The following ADAM12 variants were observed in gnomAD, a reference collection of about 807,000 sequenced individuals.
ADAM12 encodes the protein ADAM metallopeptidase domain 12, also known as disintegrin and metalloproteinase domain-containing protein 12.
A neutral mutation model predicts 106.4 loss-of-function variants in ADAM12; 70 were observed. That is an observed-to-expected ratio of 0.66 (90% CI 0.54 to 0.80). ADAM12 has a LOEUF of 0.80. Among genes scored for constraint, ADAM12 ranks in the 30% least tolerant of loss-of-function variants. The pLI is 0.00. For synonymous variants in ADAM12, 420 were observed against 433.5 expected (o/e 0.97, Z 0.39); for missense variants, 1,010 against 1,171.9 (o/e 0.86, Z 2.02).
In ADAM12 at chr10:126,066,555, C is replaced by T. The variant is rs964815459; in HGVS notation, c.1413+162G>A. Among the ~76,000 whole-genome samples the T allele has an allele frequency of 1.3e-5, 2 of 152,178 alleles. No homozygotes were observed. The highest frequency in any genetic ancestry group is 4.8e-5 in the African/African-American group (2 of 41,434). ...TTTCACCCCAAGATTGGAAGCTAAA[C>T]AGTAAGAGGTGGGTAACACCAACTG... On this transcript the variant is annotated intron_variant, in intron 13 of 22. Transcript: ENST00000448723. The surrounding 1 kb of genome is among the most constrained non-coding windows in gnomAD (Gnocchi z 5.1).
chr10:126,314,184 T>G (rs1043242203), intron 2 of ADAM12, among the ~76,000 whole-genome samples: 9 of 152,156 alleles, frequency 5.9e-5, no homozygotes, highest in African/African-American at 2.2e-4. Flanking sequence ...GTCTGAGGAC[T>G]GCTGGAGGAG....
chr10:126,118,735 A>G (rs1439628751), intron 5 of ADAM12, among the ~76,000 whole-genome samples: 3 of 152,210 alleles, frequency 2.0e-5, no homozygotes, highest in African/African-American at 7.2e-5. Flanking sequence ...TGTACCCCAC[A>G]GGTATTCTTT....
At chr10:126,228,356 A>C (rs1958241888) in intron 3 of ADAM12, among the ~76,000 whole-genome samples, 1 of 152,174 alleles carries the variant, frequency 6.6e-6, no homozygotes, top group Admixed American at 6.5e-5. Context: ...ATTCCAAGAG[A>C]TCGTTTCATA....
At position 126,046,154 on chromosome 10, in the gene ADAM12, G is replaced by A. The variant is rs376329951; in HGVS notation, c.1918-22C>T. 144 of 1,602,172 alleles carry A rather than the reference G, an allele frequency of 9.0e-5. 1 individual carries two copies. The highest frequency in any genetic ancestry group is 1.2e-4 in the Non-Finnish European group (136 of 1,169,284). ...AGATCTGTAGGAGGAGGAAAACACA[G>A]CAAATCTCTTAGTATTTCTCCAACC... is the stretch of plus-strand genomic sequence containing the variant. On this transcript the variant is annotated intron_variant, in intron 16 of 22. Coordinates refer to ENST00000448723, the MANE Select transcript of ADAM12 (RefSeq NM_001288973.2).
chr10:126,278,376 G>A (rs1035948341), intron 3 of ADAM12, among the ~76,000 whole-genome samples: 10 of 152,108 alleles, frequency 6.6e-5, no homozygotes, highest in Admixed American at 5.9e-4. Flanking sequence ...TAGTATCCAA[G>A]CGGCCCAGAA....
At chr10:126,075,458 C>T (rs767868332) in intron 11 of ADAM12, among the ~76,000 whole-genome samples, 1 of 152,160 alleles carries the variant, frequency 6.6e-6, no homozygotes, top group Non-Finnish European at 1.5e-5. Context: ...ACAAAAAAAT[C>T]TCAGCCCTCA....
chr10:126,084,577 C>T (rs1240656707), intron 11 of ADAM12, among the ~76,000 whole-genome samples: 8 of 152,146 alleles, frequency 5.3e-5, no homozygotes, highest in African/African-American at 1.4e-4. Flanking sequence ...ACTTAGCAAG[C>T]CTGTAACAGG....
intron 20 of ADAM12, among the ~76,000 whole-genome samples, chr10:126,037,363 C>T (rs1352767631): frequency 3.3e-5 from 5 of 150,688 alleles, no homozygotes; most frequent in East Asian, 1.9e-4. Context: ...CACACAAAGC[C>T]GTTCTCGCTT....
At chr10:126,210,071 C>T (rs903802263) in intron 3 of ADAM12, among the ~76,000 whole-genome samples, 1 of 152,222 alleles carries the variant, frequency 6.6e-6, no homozygotes, top group African/African-American at 2.4e-5. Context: ...AGATGCAACA[C>T]TCAACTCGAT....
At chr10:126,251,063 C>T (rs1958735807) in intron 3 of ADAM12, among the ~76,000 whole-genome samples, 1 of 152,312 alleles carries the variant, frequency 6.6e-6, no homozygotes, top group South Asian at 2.1e-4. Flanking sequence ...GAAACTCTGC[C>T]TCTCTCACTG....
rs560365000 is a variant in ADAM12 at position 126,227,634 on chromosome 10, G to C, written c.260+51281C>G. Among the ~76,000 whole-genome samples the C allele has an allele frequency of 2.6e-5, 4 of 152,228 alleles. No individual in the cohort carries two copies. The South Asian group carries it at 8.3e-4, about 32-fold the overall frequency. ...CCCAGTGCTTTGCAGGCATGCTCAC[G>C]TTTGAGAAGCCCTGGCCCAGATAAG... On this transcript the variant is annotated intron_variant, in intron 3 of 22. Coordinates refer to ENST00000448723, the MANE Select transcript of ADAM12 (RefSeq NM_001288973.2).
chr10:126,129,415 C>A (rs562920406), intron 5 of ADAM12, among the ~76,000 whole-genome samples: 8 of 152,208 alleles, frequency 5.3e-5, no homozygotes, highest in Non-Finnish European at 2.9e-5. Flanking sequence ...CAGGGCTGGA[C>A]GTCTATCCCA....
chr10:126,205,808 T>C (rs1957784481), intron 3 of ADAM12, among the ~76,000 whole-genome samples: 3 of 152,278 alleles, frequency 2.0e-5, no homozygotes, highest in African/African-American at 7.2e-5. Context: ...GAAAGACTGA[T>C]CGGTATATCC....
At chr10:126,115,391 G>C (rs1355668256) in intron 6 of ADAM12, among the ~76,000 whole-genome samples, 1 of 152,084 alleles carries the variant, frequency 6.6e-6, no homozygotes, top group Non-Finnish European at 1.5e-5. Context: ...TGCTGTGGGG[G>C]AGCTGAACAG....
intron 4 of ADAM12, among the ~76,000 whole-genome samples, chr10:126,138,217 C>T (rs577817243): frequency 2.6e-5 from 4 of 152,302 alleles, no homozygotes; most frequent in African/African-American, 9.6e-5. Context: ...AATGTCTACT[C>T]AAATCCTTGC....
At chr10:126,228,222 C>G (rs1015558599) in intron 3 of ADAM12, among the ~76,000 whole-genome samples, 1 of 152,120 alleles carries the variant, frequency 6.6e-6, no homozygotes, top group African/African-American at 2.4e-5. Context: ...CGTAACTGTA[C>G]CCCCCAATAT....
At chr10:126,191,556 G>GAT (rs1957501117) in intron 3 of ADAM12, among the ~76,000 whole-genome samples, 1 of 151,936 alleles carries the variant, frequency 6.6e-6, no homozygotes, top group African/African-American at 2.4e-5. Context: ...GGTGGGTAAG[G>GAT]AAAGAGAGGA....
At position 126,203,492 on chromosome 10, in the gene ADAM12, T is replaced by C. The variant is rs143558230; in HGVS notation, c.261-48187A>G. ...AATTATGTTTTACACATTTCAGACG[T>C]TCTTTTTGAATAAATATAGAAGCAT... On this transcript the variant is annotated intron_variant, in intron 3 of 22. Coordinates refer to ENST00000448723, the MANE Select transcript of ADAM12 (RefSeq NM_001288973.2). 4.8e-3 allele frequency among the ~76,000 whole-genome samples: 726 copies of C among 152,296 alleles called. 8 individuals are homozygous for C. Among genetic ancestry groups the C allele is most frequent in the Admixed American group, 0.024 (372 of 15,292 alleles).
chr10:126,080,412 C>T (rs75348982), intron 11 of ADAM12, among the ~76,000 whole-genome samples: 18,580 of 152,168 alleles, frequency 0.12, 1,460 homozygotes, highest in African/African-American at 0.21. Flanking sequence ...TGACCTATAG[C>T]AGTGAGAGAC....
Sources: gnomAD v4.1 joint callset for allele counts (sites outside exome capture counted in the v4.1 genomes callset) on GRCh38, gnomAD v4.1.1 for gene constraint, Gnocchi (gnomAD v3.1) non-coding constraint, MANE v1.5 for transcripts, NCBI Gene and HGNC (gene_info 2026-07-23, HGNC 2026-07-21) for gene names.